The following TSPAN9 variants were observed in gnomAD, a reference collection of about 807,000 sequenced individuals.
The protein encoded by TSPAN9 is tetraspanin-9.
A neutral mutation model predicts 31.0 loss-of-function variants in TSPAN9; 16 were observed. That is an observed-to-expected ratio of 0.52 (90% CI 0.35 to 0.78). The LOEUF (loss-of-function observed/expected upper bound fraction) is 0.78. Ranked by LOEUF, TSPAN9 falls within the 30% of genes least tolerant of loss-of-function variation. The probability of loss-of-function intolerance (pLI) is 0.01; values close to 1 mark genes in which losing one functional copy is unlikely to be tolerated. For missense variants in TSPAN9, 272 were observed against 312.5 expected (o/e 0.87, Z 0.98); for synonymous variants, 145 against 121.6 (o/e 1.19, Z -1.27).
chr12:3,254,246 A>G (rs1591707854), intron 3 of TSPAN9, among the ~76,000 whole-genome samples: 1 of 152,282 alleles, frequency 6.6e-6, no homozygotes, highest in East Asian at 1.9e-4. Flanking sequence ...TCAGGTGCTT[A>G]CTACCTTCAG....
At chr12:3,269,578 C>G (rs1441453291) in intron 3 of TSPAN9, among the ~76,000 whole-genome samples, 2 of 149,642 alleles carry the variant, frequency 1.3e-5, no homozygotes, top group African/African-American at 5.0e-5. Flanking sequence ...CCTGCCCTCT[C>G]TGTGTTCCTG....
At chr12:3,149,797 G>C (rs2098338960) in intron 2 of TSPAN9, 1 of 152,222 alleles carries the variant, frequency 6.6e-6, no homozygotes, top group Admixed American at 6.5e-5. Flanking sequence ...GATCTTCTGA[G>C]TCTGAAGCTC....
chr12:3,273,657 A>G (rs1167473231), intron 3 of TSPAN9, among the ~76,000 whole-genome samples: 1 of 152,006 alleles, frequency 6.6e-6, no homozygotes, highest in Non-Finnish European at 1.5e-5. Flanking sequence ...TTCCTGTGCT[A>G]TGTGCTGGGC....
At chr12:3,268,561 T>C (rs71215710) in intron 3 of TSPAN9, among the ~76,000 whole-genome samples, 256 of 93,752 alleles carry the variant, frequency 2.7e-3, no homozygotes, top group East Asian at 0.015. Flanking sequence ...GCCTGCCCTC[T>C]CTGTGTTCCT....
chr12:3,179,119 T>C (rs377627562), intron 2 of TSPAN9, among the ~76,000 whole-genome samples: 2 of 152,112 alleles, frequency 1.3e-5, no homozygotes, highest in Non-Finnish European at 1.5e-5. Context: ...GAGCTGGAAA[T>C]AGGCTGCGGG....
chr12:3,253,704 C>T (rs750676124), intron 3 of TSPAN9, among the ~76,000 whole-genome samples: 26 of 152,326 alleles, frequency 1.7e-4, no homozygotes, highest in South Asian at 1.5e-3. Flanking sequence ...TGGGATCTGG[C>T]GACTGCCCTT....
At chr12:3,163,897 T>G (rs1375723104) in intron 2 of TSPAN9, among the ~76,000 whole-genome samples, 2 of 152,228 alleles carry the variant, frequency 1.3e-5, no homozygotes, top group African/African-American at 4.8e-5. Flanking sequence ...CCTGCTGTCA[T>G]TAATGTAGAG....
At chr12:3,216,217 C>T (rs1274652306) in intron 3 of TSPAN9, among the ~76,000 whole-genome samples, 2 of 152,160 alleles carry the variant, frequency 1.3e-5, no homozygotes, top group Admixed American at 1.3e-4. Context: ...GACAGATTTG[C>T]TTGCTTGGGC....
At chr12:3,089,086 G>A (rs898728412) in intron 2 of TSPAN9, among the ~76,000 whole-genome samples, 53 of 151,722 alleles carry the variant, frequency 3.5e-4, no homozygotes, top group Admixed American at 1.0e-3. Flanking sequence ...CAAAAAATTA[G>A]CCGGGCGTGG....
At chr12:3,252,015 C>T (rs989237054) in intron 3 of TSPAN9, among the ~76,000 whole-genome samples, 9 of 152,230 alleles carry the variant, frequency 5.9e-5, no homozygotes, top group African/African-American at 1.9e-4. Flanking sequence ...GCTCTGGGTC[C>T]CTGCGTGAGT....
At chr12:3,268,039 C>T (rs1029751943) in intron 3 of TSPAN9, among the ~76,000 whole-genome samples, 1 of 152,216 alleles carries the variant, frequency 6.6e-6, no homozygotes, top group Non-Finnish European at 1.5e-5. Flanking sequence ...AAAGGGCAGT[C>T]CCCTCCACCA....
chr12:3,247,765 G>A (rs1350669294), intron 3 of TSPAN9, among the ~76,000 whole-genome samples: 5 of 152,268 alleles, frequency 3.3e-5, no homozygotes, highest in Admixed American at 1.3e-4. Context: ...ATGCCAGTTC[G>A]CTGCACAGGC....
At chr12:3,160,311 C>T (rs1263069861) in intron 2 of TSPAN9, among the ~76,000 whole-genome samples, 3 of 152,174 alleles carry the variant, frequency 2.0e-5, no homozygotes, top group African/African-American at 7.2e-5. Flanking sequence ...ATATTTCATT[C>T]CATGGGTATG....
chr12:3,226,104 G>A (rs1239216877), intron 3 of TSPAN9, among the ~76,000 whole-genome samples: 1 of 152,114 alleles, frequency 6.6e-6, no homozygotes, highest in Non-Finnish European at 1.5e-5. Context: ...AGGGGAGACT[G>A]GGGGAAAGGA....
chr12:3,152,102 A>G (rs557316018), intron 2 of TSPAN9, among the ~76,000 whole-genome samples: 4 of 152,328 alleles, frequency 2.6e-5, no homozygotes, highest in South Asian at 2.1e-4. Flanking sequence ...TGGGGAATTC[A>G]TGGCGGGGAA....
chr12:3,253,462 A>T (rs998882681), intron 3 of TSPAN9, among the ~76,000 whole-genome samples: 1 of 152,072 alleles, frequency 6.6e-6, no homozygotes, highest in Non-Finnish European at 1.5e-5. Flanking sequence ...AGTGGCACCC[A>T]CCTCCTCATA....
chr12:3,245,110 C>G (rs909657502), intron 3 of TSPAN9, among the ~76,000 whole-genome samples: 2 of 152,240 alleles, frequency 1.3e-5, no homozygotes, highest in African/African-American at 2.4e-5. Context: ...ACACTCCTCT[C>G]CAGCCCAGGC....
chr12:3,222,758 C>T (rs1477180520), intron 3 of TSPAN9, among the ~76,000 whole-genome samples: 7 of 152,198 alleles, frequency 4.6e-5, no homozygotes, highest in Non-Finnish European at 8.8e-5. Flanking sequence ...GAGGTTCACC[C>T]GTGCTGGCTT....
At chr12:3,283,009 C>A in intron 8 of TSPAN9, 36 bp from the exon 9 acceptor site, 1 of 1,602,432 alleles carries the variant, frequency 6.2e-7, no homozygotes, top group Non-Finnish European at 8.5e-7. Flanking sequence ...CAGGCTGCTG[C>A]AGCTCCTGCC....
Sources: allele counts gnomAD v4.1 joint callset (sites outside exome capture counted in the v4.1 genomes callset), GRCh38; gene constraint gnomAD v4.1.1; transcripts MANE v1.5; gene names NCBI Gene and HGNC (gene_info 2026-07-23, HGNC 2026-07-21).